Variants in PPFIA1 observed in about 807,000 individuals in gnomAD.
The protein encoded by PPFIA1 is PPFI scaffold protein A1.
PPFIA1 carries 25 observed loss-of-function variants against 149.9 expected under a neutral mutation model. The observed-to-expected ratio is 0.17, with a 90% CI of 0.12 to 0.23. The LOEUF is 0.23. Ranked by LOEUF, PPFIA1 falls within the 10% of genes least tolerant of loss-of-function variation. PPFIA1 has a pLI of 1.00. For synonymous variants in PPFIA1, 549 were observed against 552.8 expected, an observed-to-expected ratio of 0.99 and a Z score of 0.10; for missense variants, 1,362 against 1,506.5, an observed-to-expected ratio of 0.90 and a Z score of 1.59.
intron 27 of PPFIA1, among the ~76,000 whole-genome samples, chr11:70,382,780 C>T (rs570861991): frequency 7.2e-5 from 11 of 152,218 alleles, no homozygotes; most frequent in South Asian, 6.2e-4. Context: ...AACATGGAGA[C>T]GTAAGCCAAA....
intron 2 of PPFIA1, among the ~76,000 whole-genome samples, chr11:70,288,762 G>T (rs1489804092): frequency 1.3e-5 from 2 of 152,090 alleles, no homozygotes; most frequent in African/African-American, 4.8e-5. Flanking sequence ...TGGCTCCTGT[G>T]TCTTTTTGCC....
At chr11:70,333,329 A>T (rs764381419) in intron 9 of PPFIA1, 141 bp from the exon 10 acceptor site, 16 of 697,328 alleles carry the variant, frequency 2.3e-5, no homozygotes, top group Non-Finnish European at 3.9e-5. Context: ...GGCTGTGTTG[A>T]TGGATGAGTA....
chr11:70,289,324 A>G (rs1457827178), intron 2 of PPFIA1, among the ~76,000 whole-genome samples: 1 of 152,138 alleles, frequency 6.6e-6, no homozygotes, highest in African/African-American at 2.4e-5. Context: ...AAAAATGTTC[A>G]TTAAAAAACC....
chr11:70,318,200 G>A (rs1192222152), intron 2 of PPFIA1, among the ~76,000 whole-genome samples: 1 of 152,078 alleles, frequency 6.6e-6, no homozygotes, highest in African/African-American at 2.4e-5. Flanking sequence ...CTGCCTACCC[G>A]TCCTCTCTTC....
At position 70,379,224 on chromosome 11, in the gene PPFIA1, CTG is replaced by C. The variant is rs527806229; in HGVS notation, c.3550+1032_3550+1033del. 1.2e-4 allele frequency among the ~76,000 whole-genome samples: 18 copies of C among 152,188 alleles called. No individual in the cohort carries two copies. The South Asian group carries it at 3.7e-3, about 32-fold the overall frequency. On this transcript the variant is annotated intron_variant, in intron 26 of 27. Transcript: ENST00000253925. The stretch of plus-strand genomic sequence containing the variant: ...GGAGGAAAGGAAGTGGCATTAAAAA[CTG>C]TGCTAATCCTTGAGGCCAGGAGTTT...
intron 2 of PPFIA1, among the ~76,000 whole-genome samples, chr11:70,280,838 G>A (rs1419508422): frequency 1.3e-5 from 2 of 152,140 alleles, no homozygotes; most frequent in African/African-American, 2.4e-5. Context: ...AAAGCACTGG[G>A]ATTACAGGTG....
chr11:70,333,446 A>T (rs762036279), intron 9 of PPFIA1, 24 bp from the exon 10 acceptor site: 2 of 1,593,272 alleles, frequency 1.3e-6, no homozygotes, highest in East Asian at 4.5e-5. Flanking sequence ...GGATGACGTC[A>T]GCGTACGCTG....
At chr11:70,349,636 C>T (rs1166260252) in intron 16 of PPFIA1, among the ~76,000 whole-genome samples, 3 of 152,066 alleles carry the variant, frequency 2.0e-5, no homozygotes, top group South Asian at 2.1e-4. Context: ...GCAATTAAAT[C>T]GACGGTGAAT....
At chr11:70,310,654 G>T (rs757657380) in intron 2 of PPFIA1, among the ~76,000 whole-genome samples, 11 of 152,248 alleles carry the variant, frequency 7.2e-5, no homozygotes, top group South Asian at 2.1e-4. Context: ...AAGGTTCTGG[G>T]ATTACAGGCG....
At chr11:70,306,244 A>G (rs1357050306) in intron 2 of PPFIA1, among the ~76,000 whole-genome samples, 1 of 152,200 alleles carries the variant, frequency 6.6e-6, no homozygotes, top group East Asian at 1.9e-4. Flanking sequence ...TTAAGGCACA[A>G]AAATCTCTTA....
chr11:70,328,226 A>G (rs1174767903), intron 7 of PPFIA1, among the ~76,000 whole-genome samples: 1 of 151,944 alleles, frequency 6.6e-6, no homozygotes, highest in African/African-American at 2.4e-5. Flanking sequence ...TCTTCCTCCT[A>G]TCCTCCACCC....
intron 2 of PPFIA1, among the ~76,000 whole-genome samples, chr11:70,293,513 C>T (rs568874338): frequency 1.3e-5 from 2 of 152,266 alleles, no homozygotes; most frequent in East Asian, 1.9e-4. Flanking sequence ...ATAATAGAGT[C>T]GCGGTGGCAA....
intron 19 of PPFIA1, among the ~76,000 whole-genome samples, chr11:70,357,311 A>T (rs2056406219): frequency 6.6e-6 from 1 of 152,120 alleles, no homozygotes; most frequent in South Asian, 2.1e-4. Context: ...CCAAAGATGC[A>T]CCAGAGCCTA....
intron 2 of PPFIA1, among the ~76,000 whole-genome samples, chr11:70,315,482 A>G (rs1469338997): frequency 1.3e-5 from 2 of 152,032 alleles, no homozygotes; most frequent in African/African-American, 4.8e-5. Flanking sequence ...ATTCATTTTA[A>G]TATATAAACT....
At chr11:70,324,626 A>G in intron 3 of PPFIA1, 123 bp downstream of exon 3, 2 of 922,494 alleles carry the variant, frequency 2.2e-6, no homozygotes, top group Non-Finnish European at 1.7e-6. Context: ...ACCTTTTCCC[A>G]CTGAGCAGAC....
Position 70,349,582 on chromosome 11 carries a change from C to T in PPFIA1, c.2163+1162C>T, listed in dbSNP as rs143397671. ...ACTGTGCTTCTATCATATTTTTTCC[C>T]GTTACCATCTATTTTCGTTTTTAGT... is the stretch of plus-strand genomic sequence containing the variant. On this transcript the variant is annotated intron_variant, in intron 16 of 27. Transcript: ENST00000253925. Among the ~76,000 whole-genome samples the T allele has an allele frequency of 3.2e-4, 48 of 152,188 alleles. 1 individual carries two copies. In the East Asian group the frequency reaches 8.3e-3, roughly 26 times the overall value.
Position 70,384,111 on chromosome 11 carries a change from T to C in PPFIA1, c.*1121T>C, listed in dbSNP as rs1198752407. The C allele has an allele frequency of 6.6e-6, 1 of 152,268 alleles. No individual in the cohort carries two copies. Among genetic ancestry groups the C allele is most frequent in the African/African-American group, 2.4e-5 (1 of 41,468 alleles). 9.4% of individuals were successfully genotyped at this position (152,268 alleles called of 1,614,324 possible). A position where few individuals can be genotyped will look rare whatever the true frequency, so the allele number is the denominator to read the frequency against. ...GGATTGTGTAAGTTGCAGATGTGGC[T>C]TTTACTTTTTAAATGGCATATTAAC... On this transcript the variant is annotated 3_prime_UTR_variant, in exon 28 of 28. Coordinates refer to ENST00000253925, the MANE Select transcript of PPFIA1 (RefSeq NM_003626.5).
intron 2 of PPFIA1, among the ~76,000 whole-genome samples, chr11:70,319,566 T>C (rs1366111135): frequency 2.0e-5 from 3 of 152,226 alleles, no homozygotes; most frequent in African/African-American, 7.2e-5. Flanking sequence ...TCCAGCGACC[T>C]TTCATTGCTC....
intron 2 of PPFIA1, among the ~76,000 whole-genome samples, chr11:70,315,149 C>T (rs749790319): frequency 7.9e-5 from 12 of 152,096 alleles, no homozygotes; most frequent in Admixed American, 2.0e-4. Context: ...GCTTCACAGC[C>T]GTATCAGATA....
Sources: allele counts gnomAD v4.1 joint callset (sites outside exome capture counted in the v4.1 genomes callset), GRCh38; gene constraint gnomAD v4.1.1; transcripts MANE v1.5; gene names NCBI Gene and HGNC (gene_info 2026-07-23, HGNC 2026-07-21).